Variants in CD163L1 observed in about 807,000 individuals in gnomAD.
The protein encoded by CD163L1 is CD163 molecule like 1, also known as scavenger receptor cysteine-rich type 1 protein M160.
Under a neutral mutation model 165.4 loss-of-function variants are expected in CD163L1, and 124 were observed. That is an observed-to-expected ratio of 0.75 (90% CI 0.65 to 0.87). CD163L1 has a LOEUF of 0.87. CD163L1 is among the 40% of genes least tolerant of loss of function. CD163L1 has a pLI of 0.00. For missense variants in CD163L1, 1,525 were observed against 1,799.9 expected (o/e 0.85, Z 2.76); for synonymous variants, 585 against 662.2 (o/e 0.88, Z 1.79).
At chr12:7,328,229 C>A in the CD163L1 span, 1 of 1,331,184 alleles carries the variant, frequency 7.5e-7, no homozygotes, top group Non-Finnish European at 1.0e-6. Context: ...CTTCCTATCG[C>A]ACGGACAATT....
chr12:7,335,300 A>T, the CD163L1 span, among the ~76,000 whole-genome samples: 1 of 152,218 alleles, frequency 6.6e-6, no homozygotes, highest in African/African-American at 2.4e-5. Flanking sequence ...AGATATATAG[A>T]CCAATGGAAC....
chr12:7,403,591 T>C lies in CD163L1; in HGVS notation c.1352A>G (p.Asp451Gly), dbSNP rs771458047. ...NESALWDCTY[D>G]GKAKRTCFRR... The stretch of plus-strand genomic sequence containing the variant: ...GAAGCATGTTCGCTTTGCTTTTCCA[T>C]CATATGTGCAGTCCCAGAGAGCTGA... Residue 451 changes from aspartate to glycine, a missense_variant, in exon 6 of 20, where the codon GAT (aspartate) becomes GGT (glycine). Transcript: ENST00000313599. The C allele has an allele frequency of 4.3e-6, 7 of 1,613,842 alleles. No homozygotes were observed. Among genetic ancestry groups the C allele is most frequent in the Non-Finnish European group, 2.5e-6 (3 of 1,179,946 alleles).
the CD163L1 span, among the ~76,000 whole-genome samples, chr12:7,336,279 C>T: frequency 6.8e-6 from 1 of 147,390 alleles, no homozygotes; most frequent in Admixed American, 6.8e-5. Flanking sequence ...CAATGATAGA[C>T]TGGATTAAGA....
chr12:7,398,323 T>C lies in CD163L1; in HGVS notation c.1670A>G (p.His557Arg). ...GNESNIWDCE[H>R]SGWGKHNCVH... is the part of the protein sequence containing the mutation. Reference sequence around the variant, plus strand: ...ACAATTATGCTTTCCCCATCCACTGTGTTCACAGTCCCAGATATTTGACTC... The same window carrying C: ...ACAATTATGCTTTCCCCATCCACTGCGTTCACAGTCCCAGATATTTGACTC... Residue 557 changes from histidine (H) to arginine (R), a missense_variant, in exon 7 of 20, where the codon CAC becomes CGC. Coordinates refer to ENST00000313599, the MANE Select transcript of CD163L1 (RefSeq NM_174941.6). The surrounding 1 kb of genome is among the most constrained non-coding windows in gnomAD (Gnocchi z 4.5). The C allele has an allele frequency of 2.5e-6, 4 of 1,614,216 alleles. No individual in the cohort carries two copies. The highest frequency in any genetic ancestry group is 3.4e-6 in the Non-Finnish European group (4 of 1,180,024).
chr12:7,404,876 T>C (rs767631647), intron 5 of CD163L1, among the ~76,000 whole-genome samples: 22 of 152,290 alleles, frequency 1.4e-4, no homozygotes, highest in African/African-American at 4.8e-4. Flanking sequence ...CTAGTCATGA[T>C]ATAAGAAATC....
intron 4 of CD163L1, among the ~76,000 whole-genome samples, chr12:7,420,469 A>G (rs1023618144): frequency 1.3e-5 from 2 of 152,080 alleles, no homozygotes; most frequent in Admixed American, 1.3e-4. Flanking sequence ...CCGACAAAAG[A>G]CTAATTTACA....
the CD163L1 span, among the ~76,000 whole-genome samples, chr12:7,338,294 C>G: frequency 6.6e-6 from 1 of 151,900 alleles, no homozygotes; most frequent in Non-Finnish European, 1.5e-5. Flanking sequence ...GCACACGTAT[C>G]CCAGAACTTA....
In CD163L1 at chr12:7,400,032, A is replaced by G. The variant is rs1262267503; in HGVS notation, c.1409-1448T>C. Among the ~76,000 whole-genome samples, 2 of 152,184 alleles carry G rather than the reference A, an allele frequency of 1.3e-5. No individual in the cohort carries two copies. Among genetic ancestry groups the G allele is most frequent in the Non-Finnish European group, 2.9e-5 (2 of 68,024 alleles). On this transcript the variant is annotated intron_variant, in intron 6 of 19. Coordinates refer to ENST00000313599, the MANE Select transcript of CD163L1 (RefSeq NM_174941.6). The surrounding 1 kb of genome is among the most constrained non-coding windows in gnomAD (Gnocchi z 4.1). ...ACAACTCTTCCATGTGTATATAATA[A>G]TCTTACATTCTATTCAACCTAGTAT... is the stretch of plus-strand genomic sequence containing the variant.
At chr12:7,415,441 T>C (rs1441149622) in intron 4 of CD163L1, among the ~76,000 whole-genome samples, 1 of 152,142 alleles carries the variant, frequency 6.6e-6, no homozygotes, top group Non-Finnish European at 1.5e-5. Flanking sequence ...ATATTTTTTA[T>C]TATACTTTAA....
chr12:7,328,268 G>GT, the CD163L1 span: 3 of 1,553,088 alleles, frequency 1.9e-6, no homozygotes, highest in Non-Finnish European at 2.6e-6. Context: ...GTCTCATCAC[G>GT]TTTTTTTCTG....
the CD163L1 span, among the ~76,000 whole-genome samples, chr12:7,334,623 G>A: frequency 6.6e-6 from 1 of 152,144 alleles, no homozygotes; most frequent in Admixed American, 6.5e-5. Flanking sequence ...TCAACATAGT[G>A]TTGGAAGTTC....
intron 4 of CD163L1, among the ~76,000 whole-genome samples, chr12:7,349,607 T>G (rs7485250): frequency 0.068 from 10,424 of 152,256 alleles, 426 homozygotes; most frequent in East Asian, 0.17. Context: ...TATCCTACAA[T>G]TGTCGTGGCC....
intron 9 of CD163L1, among the ~76,000 whole-genome samples, chr12:7,376,764 T>C (rs1947279214): frequency 6.6e-6 from 1 of 152,196 alleles, no homozygotes; most frequent in African/African-American, 2.4e-5. Flanking sequence ...AGTATGCCCA[T>C]AATCCCAAAA....
At chr12:7,323,512 C>T in the CD163L1 span, 1 of 1,613,750 alleles carries the variant, frequency 6.2e-7, no homozygotes, top group Non-Finnish European at 8.5e-7. Context: ...GGGAAATTGC[C>T]CTCAGACTCA....
intron 4 of CD163L1, among the ~76,000 whole-genome samples, chr12:7,412,238 T>C (rs1948151396): frequency 6.6e-6 from 1 of 152,238 alleles, no homozygotes; most frequent in African/African-American, 2.4e-5. Context: ...CAATATATGA[T>C]GTATTCCCTC....
At chr12:7,325,334 C>A in the CD163L1 span, among the ~76,000 whole-genome samples, 2 of 152,224 alleles carry the variant, frequency 1.3e-5, no homozygotes, top group Non-Finnish European at 2.9e-5. Flanking sequence ...AATATCTTTT[C>A]TCACAGAAAC....
chr12:7,439,836 A>C (rs1367148930), intron 2 of CD163L1: 3 of 1,612,990 alleles, frequency 1.9e-6, no homozygotes, highest in East Asian at 2.2e-5. Flanking sequence ...CGTCCTCCTC[A>C]CTGTCGCCAA....
Position 7,375,899 on chromosome 12 carries a change from G to A in CD163L1, c.2487C>T (p.Ala829=). 6.2e-7 allele frequency: 1 copy of A among 1,614,174 alleles called. No individual in the cohort carries two copies. The highest frequency in any genetic ancestry group is 1.1e-5 in the South Asian group (1 of 91,080). The change falls in exon 10 of 20, where the codon GCC becomes GCT. Residue 829 remains alanine (A), a synonymous_variant. Transcript: ENST00000313599. ...AGTTTAATTCTCTGCACAGCACATT[G>A]GCAGCATGAAGAGAGAAATCAGAAT... ...VCDSDFSLHA[A]NVLCRELNCG... is the part of the protein sequence containing the mutation.
the CD163L1 span, among the ~76,000 whole-genome samples, chr12:7,333,027 T>G: frequency 6.6e-6 from 1 of 152,254 alleles, no homozygotes; most frequent in East Asian, 1.9e-4. Context: ...GTGTGCTGTA[T>G]TCAGGAAACC....
Sources: allele counts gnomAD v4.1 joint callset (sites outside exome capture counted in the v4.1 genomes callset), GRCh38; gene constraint gnomAD v4.1.1; non-coding constraint Gnocchi (gnomAD v3.1); transcripts MANE v1.5; gene names NCBI Gene and HGNC (gene_info 2026-07-23, HGNC 2026-07-21).